The following HS3ST4 variants were observed in gnomAD, a reference collection of about 807,000 sequenced individuals.
HS3ST4 encodes heparan sulfate-glucosamine 3-sulfotransferase 4.
In HS3ST4, 17 loss-of-function variants were observed where a neutral mutation model predicts 29.2. The ratio of observed to expected loss-of-function variants is 0.58; its 90% confidence interval spans 0.40 to 0.87. The LOEUF is 0.87. Among genes scored for constraint, HS3ST4 ranks in the 40% least tolerant of loss-of-function variants. The pLI is 0.00. For missense variants in HS3ST4, 627 were observed against 634.5 expected (o/e 0.99, Z 0.13); for synonymous variants, 314 against 285.7 (o/e 1.10, Z -1.00).
At chr16:25,794,323 T>G (rs1259794064) in intron 1 of HS3ST4, among the ~76,000 whole-genome samples, 15 of 152,166 alleles carry the variant, frequency 9.9e-5, no homozygotes, top group Admixed American at 9.8e-4. Context: ...TAATCTTTCT[T>G]TATTTCTTCT....
intron 1 of HS3ST4, among the ~76,000 whole-genome samples, chr16:25,855,736 T>C (rs570390320): frequency 2.2e-3 from 341 of 152,266 alleles, no homozygotes; most frequent in Non-Finnish European, 3.6e-3. Context: ...CAAGGGGCTG[T>C]GTGTGTTTGT....
At chr16:26,002,426 G>A (rs72778340) in intron 1 of HS3ST4, among the ~76,000 whole-genome samples, 18,763 of 152,058 alleles carry the variant, frequency 0.12, 1,319 homozygotes, top group Admixed American at 0.17. Context: ...GGCGTAGTTG[G>A]ACCAAGTTCT....
chr16:26,032,454 CCA>C, intron 1 of HS3ST4: 2 of 916,494 alleles, frequency 2.2e-6, no homozygotes, highest in Non-Finnish European at 3.5e-6. Context: ...AAACAAAATT[CCA>C]CATTTTTATA....
intron 1 of HS3ST4, among the ~76,000 whole-genome samples, chr16:25,928,035 CA>C (rs767016845): frequency 8.6e-3 from 439 of 50,920 alleles, no homozygotes; most frequent in Non-Finnish European, 0.012. Flanking sequence ...CCCATCTCGA[CA>C]AAAAAAAAAA....
At chr16:25,944,529 GGTTAA>G (rs1052835950) in intron 1 of HS3ST4, among the ~76,000 whole-genome samples, 19 of 152,294 alleles carry the variant, frequency 1.2e-4, no homozygotes, top group African/African-American at 2.6e-4. Flanking sequence ...TAATGAGCTG[GGTTAA>G]GTTAAGGACA....
Position 25,857,983 on chromosome 16 carries a change from C to CT in HS3ST4, c.734+164835dup, listed in dbSNP as rs1266278496. On this transcript the variant is annotated intron_variant, in intron 1 of 1. Coordinates refer to ENST00000331351, the MANE Select transcript of HS3ST4 (RefSeq NM_006040.3). Reference sequence around the variant, plus strand: ...TTCTTTCTTTCTTTCTCTTTTCTGTCTTTCTTTTTCTTCCTTCTTTTCTTT... The same window carrying CT: ...TTCTTTCTTTCTTTCTCTTTTCTGTCTTTTCTTTTTCTTCCTTCTTTTCTTT... Among the ~76,000 whole-genome samples the CT allele has an allele frequency of 3.9e-5, 4 of 103,754 alleles. No individual in the cohort carries two copies. The South Asian group carries it at 1.2e-3, about 32-fold the overall frequency. 68.1% of individuals were successfully genotyped at this position (103,754 alleles called of 152,430 possible).
intron 1 of HS3ST4, among the ~76,000 whole-genome samples, chr16:25,968,129 G>A (rs1221325405): frequency 6.6e-6 from 1 of 152,090 alleles, no homozygotes; most frequent in African/African-American, 2.4e-5. Flanking sequence ...TTAACTCAGG[G>A]CCAGAAAGAG....
At chr16:26,070,620 A>G (rs897947873) in intron 1 of HS3ST4, among the ~76,000 whole-genome samples, 1 of 152,210 alleles carries the variant, frequency 6.6e-6, no homozygotes. Context: ...CTCTTGGGTA[A>G]TGTAAAAATT....
At chr16:25,695,784 A>G (rs1966291363) in intron 1 of HS3ST4, among the ~76,000 whole-genome samples, 1 of 152,244 alleles carries the variant, frequency 6.6e-6, no homozygotes, top group African/African-American at 2.4e-5. Flanking sequence ...AGAGATCCAC[A>G]GGTTAATTAA....
At chr16:25,822,463 C>G (rs2141634261) in intron 1 of HS3ST4, among the ~76,000 whole-genome samples, 1 of 152,286 alleles carries the variant, frequency 6.6e-6, no homozygotes, top group South Asian at 2.1e-4. Context: ...TAGCACCCAG[C>G]TACTCCTAGA....
At chr16:25,923,660 A>G (rs2141684011) in intron 1 of HS3ST4, among the ~76,000 whole-genome samples, 1 of 152,272 alleles carries the variant, frequency 6.6e-6, no homozygotes, top group East Asian at 1.9e-4. Context: ...GAGAGTCTAG[A>G]ATTCAGGAAA....
Position 26,135,786 on chromosome 16 carries a change from A to G in HS3ST4, c.909A>G (p.Ser303=). ...TCTCTGACTACACGCAGACACTGTCAAAGAAACCCGAGATCCCCACCTTTG... is the reference window on the plus strand; with the variant it reads ...TCTCTGACTACACGCAGACACTGTCGAAGAAACCCGAGATCCCCACCTTTG... ...RAISDYTQTL[S]KKPEIPTFEV... Residue 303 remains serine, a synonymous_variant, in exon 2 of 2, where the codon TCA becomes TCG. Coordinates refer to ENST00000331351, the MANE Select transcript of HS3ST4 (RefSeq NM_006040.3). The G allele has an allele frequency of 2.5e-6, 4 of 1,610,614 alleles. No individual in the cohort carries two copies. The highest frequency in any genetic ancestry group is 3.4e-6 in the Non-Finnish European group (4 of 1,178,728).
intron 1 of HS3ST4, among the ~76,000 whole-genome samples, chr16:26,119,182 T>C (rs1161783413): frequency 6.6e-6 from 1 of 152,208 alleles, no homozygotes; most frequent in East Asian, 1.9e-4. Flanking sequence ...ATCCAGGCTC[T>C]TAGCCACTAT....
chr16:25,693,648 G>C (rs2943332), intron 1 of HS3ST4, among the ~76,000 whole-genome samples: 68,934 of 152,026 alleles, frequency 0.45, 15,973 homozygotes, highest in Admixed American at 0.55. Flanking sequence ...AGAGCAAAAT[G>C]AATAGGGAAC....
At chr16:26,125,813 T>C (rs1899335275) in intron 1 of HS3ST4, among the ~76,000 whole-genome samples, 1 of 152,202 alleles carries the variant, frequency 6.6e-6, no homozygotes, top group South Asian at 2.1e-4. Flanking sequence ...CTCAGTTTTC[T>C]TATCTCTCAG....
At chr16:25,903,874 A>G (rs190306934) in intron 1 of HS3ST4, among the ~76,000 whole-genome samples, 3 of 152,290 alleles carry the variant, frequency 2.0e-5, no homozygotes, top group African/African-American at 7.2e-5. Context: ...ATGTTTTAGG[A>G]AAATTCATTT....
intron 1 of HS3ST4, among the ~76,000 whole-genome samples, chr16:25,762,745 CG>C (rs1966795966): frequency 6.6e-6 from 1 of 151,534 alleles, no homozygotes; most frequent in African/African-American, 2.4e-5. Flanking sequence ...AACCACCCGA[CG>C]TGTACCTCTA....
intron 1 of HS3ST4, among the ~76,000 whole-genome samples, chr16:25,977,460 G>A (rs192600774): frequency 3.8e-4 from 58 of 152,158 alleles, no homozygotes; most frequent in Non-Finnish European, 6.0e-4. Context: ...AACATGTCCC[G>A]ATCTGTTTCC....
chr16:26,002,936 C>G (rs1969225259), intron 1 of HS3ST4, among the ~76,000 whole-genome samples: 1 of 143,372 alleles, frequency 7.0e-6, no homozygotes, highest in Non-Finnish European at 1.5e-5. Flanking sequence ...TAGATGCATT[C>G]TTACATTTTT....
Sources: allele counts gnomAD v4.1 joint callset (sites outside exome capture counted in the v4.1 genomes callset), GRCh38; gene constraint gnomAD v4.1.1; transcripts MANE v1.5; gene names NCBI Gene and HGNC (gene_info 2026-07-23, HGNC 2026-07-21).